TESMIN: variants seen among roughly 807,000 people sequenced by gnomAD.
TESMIN encodes the protein testis expressed metallothionein like protein, also known as CXC domain containing 2.
In TESMIN, 34 loss-of-function variants were observed where a neutral mutation model predicts 47.4. That is an observed-to-expected ratio of 0.72 (90% CI 0.55 to 0.96). The LOEUF is 0.96. Among genes scored for constraint, TESMIN ranks in the 40% least tolerant of loss-of-function variants. The pLI, the probability that TESMIN is intolerant of heterozygous loss-of-function variation, is 0.00. For synonymous variants in TESMIN, 278 were observed against 258.9 expected, an observed-to-expected ratio of 1.07 and a Z score of -0.71; for missense variants, 610 against 637.2, an observed-to-expected ratio of 0.96 and a Z score of 0.46.
chr11:68,750,998 C>G (rs1217615242), intron 1 of TESMIN, among the ~76,000 whole-genome samples: 6 of 39,310 alleles, frequency 1.5e-4, no homozygotes, highest in South Asian at 1.2e-3. Flanking sequence ...GTCAGGTGAG[C>G]GGCGACCAGG....
intron 5 of TESMIN, among the ~76,000 whole-genome samples, chr11:68,739,048 T>C (rs1168665896): frequency 6.6e-6 from 1 of 152,200 alleles, no homozygotes; most frequent in Non-Finnish European, 1.5e-5. Flanking sequence ...CTCCACGGGC[T>C]GGAGGCCGTC....
In TESMIN at chr11:68,738,699, C is replaced by T; in HGVS notation, c.917+1G>A. The T allele has an allele frequency of 6.2e-7, 1 of 1,613,904 alleles. No individual in the cohort carries two copies. The highest frequency in any genetic ancestry group is 8.5e-7 in the Non-Finnish European group (1 of 1,179,858). On this transcript the variant is annotated splice_donor_variant, in intron 6 of 9. Transcript: ENST00000255087. LOFTEE classifies it high-confidence loss of function. ...GACAATGTATTGCTTCTAATCCTTACCCAGCCAAAGTTATTTTTGGTGGTC... is the reference window on the plus strand; with the variant it reads ...GACAATGTATTGCTTCTAATCCTTATCCAGCCAAAGTTATTTTTGGTGGTC...
intron 6 of TESMIN, chr11:68,732,811 T>C (rs1238192989): frequency 1.3e-5 from 2 of 152,252 alleles, no homozygotes; most frequent in African/African-American, 4.8e-5. Flanking sequence ...TTTTCCACTT[T>C]GGTTGTGTGA....
At chr11:68,748,962 A>T (rs1946555718) in intron 2 of TESMIN, among the ~76,000 whole-genome samples, 1 of 152,050 alleles carries the variant, frequency 6.6e-6, no homozygotes, top group African/African-American at 2.4e-5. Flanking sequence ...CAGCCTCCCG[A>T]GTAGCTGGGA....
At chr11:68,713,525 T>C in intron 7 of TESMIN, 118 bp from the exon 8 acceptor site, 1 of 1,185,450 alleles carries the variant, frequency 8.4e-7, no homozygotes, top group Non-Finnish European at 1.2e-6. Flanking sequence ...ACAGAGTCTC[T>C]TGACATGGTT....
Position 68,750,684 on chromosome 11 carries a change from GGC to G in TESMIN, c.-26_-25del. ...ATGGCGCAGGGCGGCGGGGCGGGAT[GGC>G]GGGGGCCGCGCACCTGCAACACGCG... On this transcript the variant is annotated 5_prime_UTR_variant, in exon 2 of 10. Transcript: ENST00000255087. 1 of 1,453,038 alleles carries G rather than the reference GGC, an allele frequency of 6.9e-7. No homozygotes were observed. The highest frequency in any genetic ancestry group is 1.4e-5 in the South Asian group (1 of 72,188). 90.0% of individuals were successfully genotyped at this position (1,453,038 alleles called of 1,614,324 possible).
intron 6 of TESMIN, chr11:68,738,297 G>A (rs1313643856): frequency 2.0e-6 from 2 of 1,003,144 alleles, no homozygotes; most frequent in South Asian, 4.1e-5. Flanking sequence ...GGCAGCTGGA[G>A]GGCACTCTGC....
At chr11:68,729,883 T>G (rs1022878219) in intron 6 of TESMIN, among the ~76,000 whole-genome samples, 1 of 152,160 alleles carries the variant, frequency 6.6e-6, no homozygotes, top group African/African-American at 2.4e-5. Context: ...GTGGGTGAAA[T>G]GCTATCAAAC....
intron 6 of TESMIN, among the ~76,000 whole-genome samples, chr11:68,723,755 T>C (rs1346106095): frequency 2.0e-5 from 3 of 152,020 alleles, no homozygotes; most frequent in Non-Finnish European, 4.4e-5. Context: ...AATACGAATA[T>C]ATGAATAAAT....
intron 4 of TESMIN, among the ~76,000 whole-genome samples, chr11:68,744,186 T>C (rs531584093): frequency 2.0e-5 from 3 of 152,340 alleles, no homozygotes; most frequent in South Asian, 2.1e-4. Flanking sequence ...TGCCCTGGAC[T>C]TCAAAGGCCA....
At chr11:68,747,936 TAAA>T (rs757184069) in intron 2 of TESMIN, among the ~76,000 whole-genome samples, 1 of 151,704 alleles carries the variant, frequency 6.6e-6, no homozygotes, top group Non-Finnish European at 1.5e-5. Flanking sequence ...TCCTCGTGGT[TAAA>T]AAAAAATTAC....
Position 68,751,472 on chromosome 11 carries a change from C to A in TESMIN, c.-92G>T, listed in dbSNP as rs1469816220. On this transcript the variant is annotated 5_prime_UTR_variant, in exon 1 of 10. Coordinates refer to ENST00000255087, the MANE Select transcript of TESMIN (RefSeq NM_004923.3). ...GGAGCGAGCGGGATGGGGCGTGGGC[C>A]GGGCCTCAGGCGCAGGCGGCCGTTG... 1 of 150,312 alleles carries A rather than the reference C, an allele frequency of 6.7e-6. No individual in the cohort carries two copies. The highest frequency in any genetic ancestry group is 1.5e-5 in the Non-Finnish European group (1 of 68,006). The allele number at this position is 150,312 out of a possible 1,614,324, so 9.3% of individuals were successfully genotyped here. A position where few individuals can be genotyped will look rare whatever the true frequency, so the allele number is the denominator to read the frequency against.
chr11:68,711,952 A>G (rs927530300), intron 8 of TESMIN, among the ~76,000 whole-genome samples: 2 of 152,166 alleles, frequency 1.3e-5, no homozygotes, highest in African/African-American at 4.8e-5. Context: ...GCCAATCACT[A>G]TGGTTTTTGG....
In TESMIN at chr11:68,747,335, G is replaced by T. The variant is rs1314933934; in HGVS notation, c.503C>A (p.Thr168Lys). The T allele has an allele frequency of 6.2e-7, 1 of 1,613,682 alleles. No homozygotes were observed. The highest frequency in any genetic ancestry group is 8.5e-7 in the Non-Finnish European group (1 of 1,179,652). Reference protein sequence around the residue: ...VEIKEAGGTTTSNNPEEATLQ... With the variant: ...VEIKEAGGTTKSNNPEEATLQ... Reference sequence around the variant, plus strand: ...AGTTGCTTCTTCCGGATTATTACTTGTAGTAGTACCACCTGCTTCCTTGAT... The same window carrying T: ...AGTTGCTTCTTCCGGATTATTACTTTTAGTAGTACCACCTGCTTCCTTGAT... Residue 168 changes from threonine to lysine, a missense_variant, in exon 3 of 10, where the codon ACA becomes AAA. Transcript: ENST00000255087.
At chr11:68,734,765 T>C (rs892818268) in intron 6 of TESMIN, among the ~76,000 whole-genome samples, 6 of 152,218 alleles carry the variant, frequency 3.9e-5, no homozygotes, top group African/African-American at 1.4e-4. Context: ...TCATGGAACA[T>C]AGGGGTTGGT....
At chr11:68,749,939 G>C (rs1300329455) in intron 2 of TESMIN, among the ~76,000 whole-genome samples, 1 of 152,192 alleles carries the variant, frequency 6.6e-6, no homozygotes, top group Non-Finnish European at 1.5e-5. Flanking sequence ...GCATGGTTAG[G>C]TCAGCTTTGG....
chr11:68,706,208 T>C (rs1416183532), downstream of TESMIN, among the ~76,000 whole-genome samples: 2 of 152,346 alleles, frequency 1.3e-5, no homozygotes, highest in South Asian at 2.1e-4. Flanking sequence ...ATAGTGGCTT[T>C]ATGCACGTCT....
chr11:68,726,597 A>T (rs545466409), intron 6 of TESMIN, among the ~76,000 whole-genome samples: 2 of 152,360 alleles, frequency 1.3e-5, no homozygotes, highest in African/African-American at 4.8e-5. Flanking sequence ...TAATTATTTC[A>T]TATTTTTAAA....
At position 68,707,872 on chromosome 11, in the gene TESMIN, C is replaced by G. The variant is rs1484244225; in HGVS notation, c.*436G>C. Reference sequence around the variant, plus strand: ...ACTTATTTCTAAATAATTTGAAAAACAAACAAGAAACCATTAGGGTTTTCA... The same window carrying G: ...ACTTATTTCTAAATAATTTGAAAAAGAAACAAGAAACCATTAGGGTTTTCA... On this transcript the variant is annotated 3_prime_UTR_variant, in exon 10 of 10. Coordinates refer to ENST00000255087, the MANE Select transcript of TESMIN (RefSeq NM_004923.3). The G allele has an allele frequency of 2.2e-6, 1 of 457,870 alleles. No individual in the cohort carries two copies. The highest frequency in any genetic ancestry group is 4.4e-6 in the Non-Finnish European group (1 of 228,192). 28.4% of individuals were successfully genotyped at this position (457,870 alleles called of 1,614,324 possible). A position where few individuals can be genotyped will look rare whatever the true frequency, so the allele number is the denominator to read the frequency against.
Sources: gnomAD v4.1 joint callset for allele counts (sites outside exome capture counted in the v4.1 genomes callset) on GRCh38, gnomAD v4.1.1 for gene constraint, MANE v1.5 for transcripts, NCBI Gene and HGNC (gene_info 2026-07-23, HGNC 2026-07-21) for gene names.